NECTIN1: variants seen among roughly 807,000 people sequenced by gnomAD.
NECTIN1 encodes nectin-1.
A neutral mutation model predicts 48.0 loss-of-function variants in NECTIN1; 23 were observed. The ratio of observed to expected loss-of-function variants is 0.48; its 90% CI spans 0.34 to 0.68. The LOEUF is 0.68. Ranked by LOEUF, NECTIN1 falls within the 30% of genes least tolerant of loss-of-function variation. The probability of loss-of-function intolerance (pLI) is 0.01; values close to 1 mark genes in which losing one functional copy is unlikely to be tolerated. For synonymous variants in NECTIN1, 270 were observed against 288.9 expected, an observed-to-expected ratio of 0.93 and a Z score of 0.66; for missense variants, 591 against 709.9, an observed-to-expected ratio of 0.83 and a Z score of 1.90.
chr11:119,727,222 C>T lies in NECTIN1; in HGVS notation c.79+1253G>A, dbSNP rs926387345. Among the ~76,000 whole-genome samples, 3 of 152,214 alleles carry T rather than the reference C, an allele frequency of 2.0e-5. No homozygotes were observed. The highest frequency in any genetic ancestry group is 2.9e-5 in the Non-Finnish European group (2 of 68,038). On this transcript the variant is annotated intron_variant, in intron 1 of 5. Coordinates refer to ENST00000264025, the MANE Select transcript of NECTIN1 (RefSeq NM_002855.5). The surrounding 1 kb of genome is among the most constrained non-coding windows in gnomAD (Gnocchi z 4.1). Reference sequence around the variant, plus strand: ...AGTGCACCCTAGCCCCGGAACTAGGCAGCCAGACTGTTCCCTCGATAACAA... The same window carrying T: ...AGTGCACCCTAGCCCCGGAACTAGGTAGCCAGACTGTTCCCTCGATAACAA...
intron 1 of NECTIN1, among the ~76,000 whole-genome samples, chr11:119,728,225 A>G (rs922400093): frequency 1.3e-5 from 2 of 152,226 alleles, no homozygotes; most frequent in African/African-American, 4.8e-5. Flanking sequence ...TATTTTTTGT[A>G]AAGAACTGAG....
At chr11:119,643,169 C>T (rs1864350233) in intron 5 of NECTIN1, among the ~76,000 whole-genome samples, 1 of 152,188 alleles carries the variant, frequency 6.6e-6, no homozygotes, top group South Asian at 2.1e-4. Context: ...CTTCCATTGT[C>T]ACCATGGGCC....
chr11:119,699,353 C>T (rs562106461), intron 1 of NECTIN1, among the ~76,000 whole-genome samples: 1 of 91,178 alleles, frequency 1.1e-5, no homozygotes, highest in Admixed American at 1.3e-4. Flanking sequence ...CAAGGGAACT[C>T]TGGGACTCTT....
rs755314137 is a variant in NECTIN1 at position 119,665,253 on chromosome 11, C to T, written c.1048G>A (p.Gly350Arg). ...CCAATGATGGCCGTGGGCACCGGCC[C>T]GGCGCGCCGCCCATGTTCGGGAGGA... ...PSPPEHGRRA[G>R]PVPTAIIGGV... The change falls in exon 6 of 6, where the codon GGG becomes AGG. Residue 350 changes from glycine (G) to arginine (R), a missense_variant. Transcript: ENST00000264025. The surrounding 1 kb of genome is among the most constrained non-coding windows in gnomAD (Gnocchi z 5.1). 25 of 1,597,816 alleles carry T rather than the reference C, an allele frequency of 1.6e-5. No individual in the cohort carries two copies. The highest frequency in any genetic ancestry group is 3.3e-5 in the Admixed American group (2 of 59,816).
rs1565388395 is a variant in NECTIN1, at chr11:119,678,398, G to A, written c.430+17C>T. 1 of 1,609,556 alleles carries A rather than the reference G, an allele frequency of 6.2e-7. No individual in the cohort carries two copies. Among genetic ancestry groups the A allele is most frequent in the Middle Eastern group, 1.7e-4 (1 of 6,050 alleles). On this transcript the variant is annotated intron_variant, in intron 2 of 5. Coordinates refer to ENST00000264025, the MANE Select transcript of NECTIN1 (RefSeq NM_002855.5). This position sits in a 1 kb window ranked among gnomAD's most constrained non-coding sequence, Gnocchi z 4.4. ...CAGGCCTCTGGATGAACAGGGAGGGGGCCCAGGGCAGCTTACCCATCACCG... is the reference window on the plus strand; with the variant it reads ...CAGGCCTCTGGATGAACAGGGAGGGAGCCCAGGGCAGCTTACCCATCACCG...
chr11:119,657,613 TTAAAAAAA>T (rs1864595685), downstream of NECTIN1, among the ~76,000 whole-genome samples: 1 of 37,248 alleles, frequency 2.7e-5, no homozygotes, highest in Non-Finnish European at 7.6e-5. Flanking sequence ...GACTTTGTCT[TTAAAAAAA>T]AAAAAAAAAA....
intron 5 of NECTIN1, among the ~76,000 whole-genome samples, chr11:119,666,139 G>A (rs985688319): frequency 6.6e-5 from 10 of 152,344 alleles, no homozygotes; most frequent in Middle Eastern, 3.4e-3. Context: ...GGCAGAAATG[G>A]GGGTGAAAGC....
intron 5 of NECTIN1, among the ~76,000 whole-genome samples, chr11:119,648,308 T>TAGA (rs1864434499): frequency 1.7e-5 from 1 of 57,882 alleles, no homozygotes; most frequent in African/African-American, 7.7e-5. Context: ...GTGGTGGTGA[T>TAGA]GGTGGTGATG....
In NECTIN1 at chr11:119,664,464, C is replaced by T. The variant is rs1864725196; in HGVS notation, c.*283G>A. Reference sequence around the variant, plus strand: ...CAAGACGAGAACAGGGCTCCCTACACAGAGGGCAGGCAGGTGGGGCCCGTA... The same window carrying T: ...CAAGACGAGAACAGGGCTCCCTACATAGAGGGCAGGCAGGTGGGGCCCGTA... On this transcript the variant is annotated 3_prime_UTR_variant, in exon 6 of 6. Transcript: ENST00000264025. The T allele has an allele frequency of 1.6e-6, 2 of 1,282,330 alleles. No individual in the cohort carries two copies. Among genetic ancestry groups the T allele is most frequent in the Non-Finnish European group, 9.9e-7 (1 of 1,011,622 alleles). 79.4% of individuals were successfully genotyped at this position (1,282,330 alleles called of 1,614,324 possible).
At chr11:119,694,954 C>T (rs1429912236) in intron 1 of NECTIN1, among the ~76,000 whole-genome samples, 1 of 152,100 alleles carries the variant, frequency 6.6e-6, no homozygotes, top group Non-Finnish European at 1.5e-5. Flanking sequence ...GTCTAGAATA[C>T]AGCCATTCAG....
chr11:119,660,351 G>A (rs370737271), downstream of NECTIN1, among the ~76,000 whole-genome samples: 123 of 151,944 alleles, frequency 8.1e-4, no homozygotes, highest in Middle Eastern at 6.8e-3. Flanking sequence ...GGAGGTAACC[G>A]AGGAACAAGA....
At chr11:119,648,193 TGTGATGGTACTGGTGCAGTGGTGGTGGCA>T (rs1864423890) in intron 5 of NECTIN1, among the ~76,000 whole-genome samples, 2 of 130,734 alleles carry the variant, frequency 1.5e-5, no homozygotes, top group Middle Eastern at 7.7e-3. Flanking sequence ...ATGGTGGTGG[TGTGATGGTACTGGTGCAGTGGTGGTGGCA>T]GTGATGATGG....
At position 119,664,963 on chromosome 11, in the gene NECTIN1, A is replaced by ACCG; in HGVS notation, c.1335_1337dup (p.Gly449dup). On this transcript the variant is annotated inframe_insertion, in exon 6 of 6. Coordinates refer to ENST00000264025, the MANE Select transcript of NECTIN1 (RefSeq NM_002855.5). ...CGCCCACCTTGCGCTCGCCCCCTCC[A>ACCG]CCGCCCTCCTCCTCCTCCTCCTCCT... 6.2e-7 allele frequency: 1 copy of ACCG among 1,607,412 alleles called. No homozygotes were observed. The highest frequency in any genetic ancestry group is 8.5e-7 in the Non-Finnish European group (1 of 1,174,958).
At chr11:119,671,218 C>T (rs1425550194) in intron 5 of NECTIN1, among the ~76,000 whole-genome samples, 3 of 151,814 alleles carry the variant, frequency 2.0e-5, no homozygotes, top group African/African-American at 4.8e-5. Flanking sequence ...TACACTCAGC[C>T]AGTAGCTCCT....
chr11:119,648,307 A>ATGGTGGTGG (rs1565376549), intron 5 of NECTIN1, among the ~76,000 whole-genome samples: 2 of 10,428 alleles, frequency 1.9e-4, no homozygotes, highest in Admixed American at 1.2e-3. Context: ...GGTGGTGGTG[A>ATGGTGGTGG]TGGTGGTGAT....
chr11:119,650,036 G>A (rs962053400), intron 5 of NECTIN1, among the ~76,000 whole-genome samples: 3 of 151,874 alleles, frequency 2.0e-5, no homozygotes, highest in Admixed American at 2.0e-4. Context: ...TAAGATTTGG[G>A]TAGATAAAGG....
intron 1 of NECTIN1, among the ~76,000 whole-genome samples, chr11:119,679,251 A>G (rs914628038): frequency 6.6e-6 from 1 of 152,144 alleles, no homozygotes; most frequent in Admixed American, 6.5e-5. Flanking sequence ...TATGGGGTGG[A>G]GAATCCAGTC....
At chr11:119,676,547 C>T (rs775578829) in intron 4 of NECTIN1, among the ~76,000 whole-genome samples, 9 of 152,342 alleles carry the variant, frequency 5.9e-5, no homozygotes, top group East Asian at 1.9e-4. Flanking sequence ...CTGTCAGAGC[C>T]GGCTGGAGGG....
intron 5 of NECTIN1, 39 bp downstream of exon 5, chr11:119,675,120 C>T (rs532019591): frequency 2.4e-4 from 384 of 1,613,292 alleles, no homozygotes; most frequent in Non-Finnish European, 2.7e-4. Flanking sequence ...CGAAGGAACC[C>T]GTGGGTGCGG....
Sources: gnomAD v4.1 joint callset for allele counts (sites outside exome capture counted in the v4.1 genomes callset) on GRCh38, gnomAD v4.1.1 for gene constraint, Gnocchi (gnomAD v3.1) non-coding constraint, MANE v1.5 for transcripts, NCBI Gene and HGNC (gene_info 2026-07-23, HGNC 2026-07-21) for gene names.